Variants in CACNA2D1 observed in about 807,000 individuals in gnomAD.
The protein encoded by CACNA2D1 is calcium voltage-gated channel auxiliary subunit alpha2delta 1.
CACNA2D1 carries 53 observed loss-of-function variants against 171.5 expected under a neutral mutation model. The ratio of observed to expected loss-of-function variants is 0.31; its 90% CI spans 0.25 to 0.39. CACNA2D1 has a LOEUF of 0.39. Ranked by LOEUF, CACNA2D1 falls within the 10% of genes least tolerant of loss-of-function variation. The pLI, the probability that CACNA2D1 is intolerant of heterozygous loss-of-function variation, is 1.00. For synonymous variants in CACNA2D1, 442 were observed against 443.1 expected, an observed-to-expected ratio of 1.00 and a Z score of 0.03; for missense variants, 903 against 1,299.8, an observed-to-expected ratio of 0.69 and a Z score of 4.69.
At chr7:82,363,195 T>G (rs1278891745) in intron 1 of CACNA2D1, among the ~76,000 whole-genome samples, 1 of 151,596 alleles carries the variant, frequency 6.6e-6, no homozygotes, top group Non-Finnish European at 1.5e-5. Context: ...TCTTATAATT[T>G]ATGCAGCTGA....
chr7:82,351,718 A>T (rs1451438612), intron 1 of CACNA2D1, among the ~76,000 whole-genome samples: 2 of 152,128 alleles, frequency 1.3e-5, no homozygotes, highest in Non-Finnish European at 2.9e-5. Context: ...TTATAAGTAA[A>T]TATTCTTAGT....
At chr7:82,399,008 A>T (rs1354287389) in intron 1 of CACNA2D1, among the ~76,000 whole-genome samples, 2 of 151,980 alleles carry the variant, frequency 1.3e-5, no homozygotes. Flanking sequence ...TTATAAGGGA[A>T]CAGAGAACCT....
At chr7:82,154,259 C>G (rs559807691) in intron 4 of CACNA2D1, among the ~76,000 whole-genome samples, 12 of 152,244 alleles carry the variant, frequency 7.9e-5, no homozygotes, top group African/African-American at 2.9e-4. Flanking sequence ...AGTCTAATAT[C>G]ACTTTTAATT....
intron 6 of CACNA2D1, among the ~76,000 whole-genome samples, chr7:82,104,182 T>C (rs1813038303): frequency 6.6e-6 from 1 of 152,078 alleles, no homozygotes; most frequent in African/African-American, 2.4e-5. Flanking sequence ...ACGTTTTCCG[T>C]TATTTTAATA....
chr7:82,231,266 C>A (rs1421955055), intron 3 of CACNA2D1, among the ~76,000 whole-genome samples: 10 of 152,182 alleles, frequency 6.6e-5, no homozygotes. Flanking sequence ...CTCACCTCAG[C>A]ATTCAAATAA....
At chr7:81,982,490 G>A in intron 24 of CACNA2D1, 77 bp downstream of exon 24, 1 of 819,382 alleles carries the variant, frequency 1.2e-6, no homozygotes, top group South Asian at 1.3e-5. Context: ...ACCCAGAGCA[G>A]TCTTGACTCA....
At chr7:82,167,221 A>G (rs1795547246) in intron 4 of CACNA2D1, among the ~76,000 whole-genome samples, 1 of 152,104 alleles carries the variant, frequency 6.6e-6, no homozygotes, top group African/African-American at 2.4e-5. Flanking sequence ...GGACCTTTTG[A>G]AAGATGATAA....
intron 3 of CACNA2D1, among the ~76,000 whole-genome samples, chr7:82,174,538 G>A (rs1796368626): frequency 6.6e-6 from 1 of 151,984 alleles, no homozygotes; most frequent in African/African-American, 2.4e-5. Context: ...AAATAGACTT[G>A]ACCCCAGACT....
chr7:82,231,109 C>T (rs1802883509), intron 3 of CACNA2D1, among the ~76,000 whole-genome samples: 1 of 152,222 alleles, frequency 6.6e-6, no homozygotes, highest in South Asian at 2.1e-4. Flanking sequence ...GACTTCCTCG[C>T]CCTTCCTTTT....
intron 1 of CACNA2D1, among the ~76,000 whole-genome samples, chr7:82,361,213 T>C (rs527896807): frequency 3.3e-5 from 5 of 152,190 alleles, no homozygotes; most frequent in Non-Finnish European, 5.9e-5. Flanking sequence ...GTTTCTTAGA[T>C]AGGAATTACA....
intron 1 of CACNA2D1, among the ~76,000 whole-genome samples, chr7:82,437,313 G>C (rs986455279): frequency 5.9e-5 from 9 of 151,974 alleles, no homozygotes; most frequent in African/African-American, 2.2e-4. Context: ...TTTGCCAGAA[G>C]ACCACCATAG....
chr7:82,035,633 T>C (rs773909556), intron 11 of CACNA2D1, among the ~76,000 whole-genome samples: 2 of 152,118 alleles, frequency 1.3e-5, no homozygotes, highest in Admixed American at 6.5e-5. Context: ...CTAGTGAGGC[T>C]ACCTCTGAAA....
At chr7:81,972,037 T>G (rs1795333575) in intron 25 of CACNA2D1, among the ~76,000 whole-genome samples, 173 bp from the exon 26 acceptor site, 1 of 151,670 alleles carries the variant, frequency 6.6e-6, no homozygotes, top group African/African-American at 2.4e-5. Context: ...TGCCTCACAG[T>G]TTTTCAGGAA....
At chr7:82,141,701 T>C (rs1792414938) in intron 4 of CACNA2D1, among the ~76,000 whole-genome samples, 1 of 152,216 alleles carries the variant, frequency 6.6e-6, no homozygotes, top group African/African-American at 2.4e-5. Context: ...CTCATTATGG[T>C]TGGATGACAT....
chr7:82,356,896 C>A (rs916704662), intron 1 of CACNA2D1, among the ~76,000 whole-genome samples: 2 of 152,044 alleles, frequency 1.3e-5, no homozygotes, highest in African/African-American at 4.8e-5. Flanking sequence ...GAAAAAAAGT[C>A]TTATAATCCT....
intron 3 of CACNA2D1, among the ~76,000 whole-genome samples, chr7:82,330,752 G>T (rs771816143): frequency 5.9e-5 from 9 of 152,046 alleles, no homozygotes; most frequent in Non-Finnish European, 1.2e-4. Context: ...TGGATGAATA[G>T]AACTTTACAA....
At chr7:81,977,780 A>G (rs1796005471) in intron 24 of CACNA2D1, among the ~76,000 whole-genome samples, 1 of 152,226 alleles carries the variant, frequency 6.6e-6, no homozygotes, top group Non-Finnish European at 1.5e-5. Flanking sequence ...CAGCAAAAGA[A>G]ACTATCATCA....
intron 3 of CACNA2D1, among the ~76,000 whole-genome samples, chr7:82,193,599 T>C (rs1392270247): frequency 1.3e-5 from 2 of 152,048 alleles, no homozygotes; most frequent in Non-Finnish European, 2.9e-5. Flanking sequence ...GCATACTATA[T>C]TGAAGTGAGT....
chr7:82,083,761 G>A (rs1286473915), intron 7 of CACNA2D1, among the ~76,000 whole-genome samples: 1 of 151,982 alleles, frequency 6.6e-6, no homozygotes, highest in Non-Finnish European at 1.5e-5. Context: ...CCTAATTTGA[G>A]TACCATTCAG....
Sources: gnomAD v4.1 joint callset for allele counts (sites outside exome capture counted in the v4.1 genomes callset) on GRCh38, gnomAD v4.1.1 for gene constraint, MANE v1.5 for transcripts, NCBI Gene and HGNC (gene_info 2026-07-23, HGNC 2026-07-21) for gene names.